NECAB1: variants seen among roughly 807,000 people sequenced by gnomAD.
NECAB1 encodes N-terminal EF-hand calcium binding protein 1, also known as N-terminal EF-hand calcium-binding protein 1.
A neutral mutation model predicts 57.5 loss-of-function variants in NECAB1; 29 were observed. The ratio of observed to expected loss-of-function variants is 0.50; its 90% confidence interval spans 0.38 to 0.69. NECAB1 has a LOEUF of 0.69. NECAB1 is among the 30% of genes least tolerant of loss of function. NECAB1 has a pLI of 0.00. For synonymous variants in NECAB1, 142 were observed against 147.7 expected, an observed-to-expected ratio of 0.96 and a Z score of 0.28; for missense variants, 372 against 413.8, an observed-to-expected ratio of 0.90 and a Z score of 0.88.
chr8:90,883,493 G>C (rs1216063797), intron 5 of NECAB1, among the ~76,000 whole-genome samples: 1 of 152,142 alleles, frequency 6.6e-6, no homozygotes, highest in Non-Finnish European at 1.5e-5. Flanking sequence ...AGGGTTTTAT[G>C]AAAAATGAAA....
At chr8:90,839,507 G>A (rs1812422058) in intron 3 of NECAB1, among the ~76,000 whole-genome samples, 1 of 152,210 alleles carries the variant, frequency 6.6e-6, no homozygotes, top group Non-Finnish European at 1.5e-5. Context: ...GATTAATTAT[G>A]ACAGGGAGAT....
intron 3 of NECAB1, among the ~76,000 whole-genome samples, chr8:90,845,022 G>A (rs573060804): frequency 6.6e-6 from 1 of 152,258 alleles, no homozygotes; most frequent in Admixed American, 6.5e-5. Flanking sequence ...TGATGTTCCG[G>A]TTCACGTCCA....
At chr8:90,938,972 G>A (rs922473727) in intron 9 of NECAB1, among the ~76,000 whole-genome samples, 27 of 152,254 alleles carry the variant, frequency 1.8e-4, no homozygotes, top group African/African-American at 5.8e-4. Context: ...GAGCTTTCTC[G>A]TATGTCTAGG....
At chr8:90,875,935 G>A (rs1808719221) in intron 4 of NECAB1, among the ~76,000 whole-genome samples, 1 of 151,792 alleles carries the variant, frequency 6.6e-6, no homozygotes, top group African/African-American at 2.4e-5. Context: ...GCGTGAACCC[G>A]GGAGGCGGAG....
intron 3 of NECAB1, among the ~76,000 whole-genome samples, chr8:90,839,921 T>C (rs969126679): frequency 2.0e-5 from 3 of 152,180 alleles, no homozygotes; most frequent in East Asian, 3.9e-4. Flanking sequence ...GCAAAGAGAA[T>C]TGGTGGGAGA....
Position 90,949,890 on chromosome 8 carries a change from T to G in NECAB1, c.938+6T>G. On this transcript the variant is annotated splice_donor_region_variant and intron_variant, in intron 11 of 12. Coordinates refer to ENST00000417640, the MANE Select transcript of NECAB1 (RefSeq NM_022351.5). ...AATAGTAGTGTATGGAATAGGTAAG[T>G]TGTGAGCAAGCCTGATTTTATGTGA... is the stretch of plus-strand genomic sequence containing the variant. 1 of 1,572,660 alleles carries G rather than the reference T, an allele frequency of 6.4e-7. No homozygotes were observed. Among genetic ancestry groups the G allele is most frequent in the East Asian group, 2.3e-5 (1 of 44,252 alleles).
intron 5 of NECAB1, 55 bp from the exon 6 acceptor site, chr8:90,917,437 T>A: frequency 1.4e-6 from 2 of 1,455,940 alleles, no homozygotes; most frequent in Non-Finnish European, 1.8e-6. Context: ...AAAAAAAAAA[T>A]CCTGGGTATT....
intron 5 of NECAB1, among the ~76,000 whole-genome samples, chr8:90,899,163 C>A: frequency 6.6e-6 from 1 of 152,184 alleles, no homozygotes; most frequent in Non-Finnish European, 1.5e-5. Flanking sequence ...CTGACTTACA[C>A]CATCCTTAGT....
chr8:90,813,667 C>T (rs1303744427), intron 2 of NECAB1, among the ~76,000 whole-genome samples: 1 of 152,124 alleles, frequency 6.6e-6, no homozygotes, highest in Non-Finnish European at 1.5e-5. Flanking sequence ...GCTAGTACTA[C>T]AGGTGCACAC....
intron 10 of NECAB1, among the ~76,000 whole-genome samples, chr8:90,947,347 C>CAG (rs1810832385): frequency 6.8e-6 from 1 of 147,876 alleles, no homozygotes; most frequent in Admixed American, 6.7e-5. Flanking sequence ...CACACACACA[C>CAG]ACACAATAAG....
intron 2 of NECAB1, among the ~76,000 whole-genome samples, chr8:90,820,012 C>T (rs1424706825): frequency 6.6e-6 from 1 of 151,852 alleles, no homozygotes; most frequent in Non-Finnish European, 1.5e-5. Flanking sequence ...AAGGCTGCAC[C>T]CCCAGCAGTT....
intron 3 of NECAB1, among the ~76,000 whole-genome samples, chr8:90,838,389 A>G (rs1270819345): frequency 6.6e-6 from 1 of 152,230 alleles, no homozygotes; most frequent in African/African-American, 2.4e-5. Context: ...AGTGTGAGCT[A>G]TATATACATT....
At chr8:90,813,257 A>C (rs1811999167) in intron 2 of NECAB1, 1 of 150,336 alleles carries the variant, frequency 6.7e-6, no homozygotes, top group South Asian at 2.1e-4. Context: ...ACACACACAC[A>C]CACACACACA....
At chr8:90,863,538 A>G (rs1435974965) in intron 3 of NECAB1, among the ~76,000 whole-genome samples, 1 of 152,142 alleles carries the variant, frequency 6.6e-6, no homozygotes, top group Non-Finnish European at 1.5e-5. Context: ...AAATATGTGC[A>G]TGAGTTTTCT....
chr8:90,850,028 A>G (rs554799380), intron 3 of NECAB1, among the ~76,000 whole-genome samples: 2 of 152,344 alleles, frequency 1.3e-5, no homozygotes, highest in South Asian at 4.1e-4. Context: ...ACTCTGTCAA[A>G]CAGAGTAGTC....
intron 11 of NECAB1, among the ~76,000 whole-genome samples, 151 bp downstream of exon 11, chr8:90,950,035 A>T (rs1392939972): frequency 6.6e-6 from 1 of 152,182 alleles, no homozygotes. Flanking sequence ...TACACACTTT[A>T]AAAAATGTAT....
intron 1 of NECAB1, among the ~76,000 whole-genome samples, chr8:90,797,813 T>A (rs1811687418): frequency 6.6e-6 from 1 of 152,188 alleles, no homozygotes; most frequent in African/African-American, 2.4e-5. Context: ...AAAGCAGAGA[T>A]CATCTCATCA....
At chr8:90,816,421 A>T (rs375868056) in intron 2 of NECAB1, among the ~76,000 whole-genome samples, 13 of 151,984 alleles carry the variant, frequency 8.6e-5, no homozygotes, top group African/African-American at 3.1e-4. Flanking sequence ...CATCATTCAA[A>T]TCACGGTCAC....
chr8:90,858,825 C>T (rs1272801846), intron 3 of NECAB1, among the ~76,000 whole-genome samples: 2 of 152,104 alleles, frequency 1.3e-5, no homozygotes, highest in African/African-American at 4.8e-5. Context: ...ATCCTGTGTT[C>T]CCTTGATCAC....
Sources: gnomAD v4.1 joint callset for allele counts (sites outside exome capture counted in the v4.1 genomes callset) on GRCh38, gnomAD v4.1.1 for gene constraint, MANE v1.5 for transcripts, NCBI Gene and HGNC (gene_info 2026-07-23, HGNC 2026-07-21) for gene names.